Variants in NFIB observed in about 807,000 individuals in gnomAD.
The protein encoded by NFIB is nuclear factor 1 B-type.
Under a neutral mutation model 61.5 loss-of-function variants are expected in NFIB, and 11 were observed. The observed-to-expected ratio is 0.18, with a 90% CI of 0.11 to 0.30. The LOEUF (loss-of-function observed/expected upper bound fraction) is 0.30. Ranked by LOEUF, NFIB falls within the 10% of genes least tolerant of loss-of-function variation. The pLI is 1.00. For synonymous variants in NFIB, 260 were observed against 216.5 expected (o/e 1.20, Z -1.76); for missense variants, 471 against 608.9 (o/e 0.77, Z 2.38).
intron 1 of NFIB, among the ~76,000 whole-genome samples, chr9:14,327,475 A>G (rs1398516535): frequency 6.6e-6 from 1 of 152,184 alleles, no homozygotes; most frequent in Non-Finnish European, 1.5e-5. Context: ...CCTACTACAA[A>G]CACACATTGC....
At chr9:14,440,980 C>CA in the NFIB span, among the ~76,000 whole-genome samples, 1 of 151,980 alleles carries the variant, frequency 6.6e-6, no homozygotes, top group Non-Finnish European at 1.5e-5. Flanking sequence ...ATCATTATGA[C>CA]AGCCATTCCT....
chr9:14,156,051 T>C (rs537917386), intron 3 of NFIB, among the ~76,000 whole-genome samples, 158 bp from the exon 4 acceptor site: 18 of 152,180 alleles, frequency 1.2e-4, no homozygotes, highest in Non-Finnish European at 2.1e-4. Context: ...GAATGCAAAT[T>C]AGGTTTGTTT....
chr9:14,516,236 G>A, the NFIB span, among the ~76,000 whole-genome samples: 5 of 152,220 alleles, frequency 3.3e-5, no homozygotes, highest in Admixed American at 3.3e-4. Flanking sequence ...CCACCAGGAG[G>A]TGGGGGTTGA....
chr9:14,310,129 GTTATT>G (rs1193021517), intron 1 of NFIB, among the ~76,000 whole-genome samples: 3 of 152,104 alleles, frequency 2.0e-5, no homozygotes, highest in Admixed American at 1.3e-4. Context: ...ATTTTAATGA[GTTATT>G]TTAAACAACC....
chr9:14,322,958 G>T (rs1157934582), intron 1 of NFIB, among the ~76,000 whole-genome samples: 1 of 152,214 alleles, frequency 6.6e-6, no homozygotes, highest in Non-Finnish European at 1.5e-5. Flanking sequence ...CCGGCCTTCT[G>T]GAGCAGGAAC....
intron 2 of NFIB, among the ~76,000 whole-genome samples, chr9:14,193,716 A>G (rs902001225): frequency 5.3e-5 from 8 of 152,216 alleles, no homozygotes; most frequent in African/African-American, 1.7e-4. Context: ...ATATATATGA[A>G]CTCACAGTAC....
chr9:14,525,393 T>A, the NFIB span, among the ~76,000 whole-genome samples: 4 of 152,212 alleles, frequency 2.6e-5, no homozygotes, highest in African/African-American at 9.6e-5. Flanking sequence ...CTTCTCCCCT[T>A]ATCAGTGGAG....
intron 10 of NFIB, among the ~76,000 whole-genome samples, chr9:14,093,172 T>C (rs2034221196): frequency 6.6e-6 from 1 of 152,028 alleles, no homozygotes; most frequent in Non-Finnish European, 1.5e-5. Flanking sequence ...TTGGAGGTGA[T>C]GAAACAATAA....
rs1280118586 is a variant in NFIB, at chr9:14,365,825, GA to G, written c.108+32698del. Among the ~76,000 whole-genome samples the G allele has an allele frequency of 1.3e-5, 2 of 152,152 alleles. 1 individual carries two copies. The highest frequency in any genetic ancestry group is 1.3e-4 in the Admixed American group (2 of 15,278). On this transcript the variant is annotated intron_variant, in intron 1 of 8. Transcript: ENST00000380934. ...GAGAGTATCAAGCGTGTTCCTTTCT[GA>G]CTGATCTAACGTGAGACCAAAAACT...
chr9:14,419,575 C>G, the NFIB span, among the ~76,000 whole-genome samples: 1 of 152,172 alleles, frequency 6.6e-6, no homozygotes, highest in African/African-American at 2.4e-5. Context: ...GCAACGAGCC[C>G]TGTTACGTTA....
chr9:14,345,032 C>T (rs2061002422), intron 1 of NFIB, among the ~76,000 whole-genome samples: 1 of 152,120 alleles, frequency 6.6e-6, no homozygotes, highest in South Asian at 2.1e-4. Context: ...GAATAAAAAG[C>T]CCAGCTCCAG....
At chr9:14,191,285 A>G (rs532501532) in intron 2 of NFIB, among the ~76,000 whole-genome samples, 3 of 152,276 alleles carry the variant, frequency 2.0e-5, no homozygotes, top group East Asian at 3.9e-4. Flanking sequence ...CTGAGATTAC[A>G]TCACTGCACT....
chr9:14,217,894 G>A (rs1427876897), intron 2 of NFIB, among the ~76,000 whole-genome samples: 1 of 152,130 alleles, frequency 6.6e-6, no homozygotes, highest in Non-Finnish European at 1.5e-5. Context: ...AGATAGGTAA[G>A]TAAATCTGGG....
At chr9:14,340,353 G>A (rs1227220602) in intron 1 of NFIB, among the ~76,000 whole-genome samples, 1 of 152,144 alleles carries the variant, frequency 6.6e-6, no homozygotes, top group Admixed American at 6.5e-5. Context: ...ATAAATTAGA[G>A]TTCTCAACCC....
chr9:14,322,659 C>G (rs987783731), intron 1 of NFIB, among the ~76,000 whole-genome samples: 2 of 152,178 alleles, frequency 1.3e-5, no homozygotes, highest in East Asian at 3.9e-4. Context: ...GGGAAGGAAA[C>G]CGAAAGGAGG....
chr9:14,401,413 C>T (rs1252401158), upstream of NFIB, among the ~76,000 whole-genome samples: 2 of 152,138 alleles, frequency 1.3e-5, no homozygotes, highest in African/African-American at 4.8e-5. Context: ...TTTCTAAGCA[C>T]AGTACTATCC....
intron 2 of NFIB, among the ~76,000 whole-genome samples, chr9:14,237,550 C>G (rs138916658): frequency 6.6e-6 from 1 of 152,130 alleles, no homozygotes; most frequent in African/African-American, 2.4e-5. Flanking sequence ...ATGATTACTA[C>G]TCATTATTAA....
At chr9:14,352,533 C>T (rs1475344807) in intron 1 of NFIB, among the ~76,000 whole-genome samples, 1 of 152,218 alleles carries the variant, frequency 6.6e-6, no homozygotes, top group Non-Finnish European at 1.5e-5. Flanking sequence ...CACAGGCTCC[C>T]TCAGTGTATG....
At chr9:14,291,221 C>G (rs1257266637) in intron 2 of NFIB, among the ~76,000 whole-genome samples, 1 of 152,050 alleles carries the variant, frequency 6.6e-6, no homozygotes, top group Admixed American at 6.6e-5. Flanking sequence ...AGGTGGCTCA[C>G]GCCTGTAATC....
Sources: allele counts gnomAD v4.1 joint callset (sites outside exome capture counted in the v4.1 genomes callset), GRCh38; gene constraint gnomAD v4.1.1; transcripts MANE v1.5; gene names NCBI Gene and HGNC (gene_info 2026-07-23, HGNC 2026-07-21).